Variants in ERICH6 observed in about 807,000 individuals in gnomAD.
ERICH6 encodes glutamate-rich protein 6.
Under a neutral mutation model 71.0 loss-of-function variants are expected in ERICH6, and 71 were observed. That is an observed-to-expected ratio of 1.00 (90% confidence interval 0.83 to 1.22). ERICH6 has a LOEUF of 1.22. Ranked by LOEUF, ERICH6 falls within the 50% of genes most tolerant of loss-of-function variation. ERICH6 has a pLI of 0.00. For synonymous variants in ERICH6, 262 were observed against 278.4 expected (o/e 0.94, Z 0.59); for missense variants, 808 against 797.2 (o/e 1.01, Z -0.16).
At chr3:150,671,419 C>T (rs1039421762) in intron 11 of ERICH6, among the ~76,000 whole-genome samples, 1 of 152,140 alleles carries the variant, frequency 6.6e-6, no homozygotes, top group African/African-American at 2.4e-5. Context: ...ATGACCTGGC[C>T]ATCAGGCAGA....
chr3:150,678,639 A>G (rs1017880842), intron 9 of ERICH6, 85 bp from the exon 10 acceptor site: 2 of 1,101,468 alleles, frequency 1.8e-6, no homozygotes, highest in East Asian at 2.8e-5. Context: ...TCAAACCCCA[A>G]TATAAATGCA....
intron 3 of ERICH6, among the ~76,000 whole-genome samples, chr3:150,688,208 A>C (rs1363368132): frequency 6.6e-6 from 1 of 152,176 alleles, no homozygotes; most frequent in African/African-American, 2.4e-5. Context: ...CATCTGAAAA[A>C]ATTTTAAAGA....
chr3:150,688,359 C>T (rs1239242725), intron 3 of ERICH6, among the ~76,000 whole-genome samples: 3 of 152,138 alleles, frequency 2.0e-5, no homozygotes, highest in East Asian at 1.9e-4. Flanking sequence ...AGAACAACCC[C>T]GATATGTCTA....
chr3:150,660,024 C>T lies in ERICH6; in HGVS notation c.1860G>A (p.Gln620=). The change falls in exon 14 of 14, where the codon CAG becomes CAA. Residue 620 remains glutamine (Q), a synonymous_variant. Coordinates refer to ENST00000295910, the MANE Select transcript of ERICH6 (RefSeq NM_152394.5). The part of the protein sequence containing the change: ...LEGCVNFPSS[Q]VWEKLKQPSY... ...AAGGTTGCTTTAATTTTTCCCAAACCTGGCTTGAGGGAAAATTCACACATC... is the reference window on the plus strand; with the variant it reads ...AAGGTTGCTTTAATTTTTCCCAAACTTGGCTTGAGGGAAAATTCACACATC... The T allele has an allele frequency of 6.2e-7, 1 of 1,614,052 alleles. No homozygotes were observed. The highest frequency in any genetic ancestry group is 8.5e-7 in the Non-Finnish European group (1 of 1,180,024).
At chr3:150,689,770 A>C (rs756352432) in intron 3 of ERICH6, among the ~76,000 whole-genome samples, 7 of 152,180 alleles carry the variant, frequency 4.6e-5, no homozygotes, top group Non-Finnish European at 1.0e-4. Flanking sequence ...AGGAGCCTAA[A>C]ATAGTTTATA....
At chr3:150,677,959 A>G (rs1476813085) in intron 10 of ERICH6, among the ~76,000 whole-genome samples, 5 of 152,214 alleles carry the variant, frequency 3.3e-5, no homozygotes, top group Non-Finnish European at 7.3e-5. Context: ...TCACTGCAGT[A>G]CAGTAGCCAT....
At chr3:150,695,034 C>A (rs1712601689) in intron 3 of ERICH6, among the ~76,000 whole-genome samples, 1 of 152,148 alleles carries the variant, frequency 6.6e-6, no homozygotes, top group Non-Finnish European at 1.5e-5. Flanking sequence ...GGCACTAATC[C>A]CATTCATGAC....
intron 11 of ERICH6, 67 bp downstream of exon 11, chr3:150,673,889 C>T: frequency 6.6e-7 from 1 of 1,508,544 alleles, no homozygotes. Context: ...CCATGTATTT[C>T]CTTCCTTGAG....
Position 150,703,685 on chromosome 3 carries a change from TCTC to T in ERICH6, c.211_213del (p.Glu71del), listed in dbSNP as rs1403682664. ...TTCCAGAGGTACTCTTCGCTGAACGTCTCAGGGGCCTCCAACTCCTGCTCTTCC... is the reference window on the plus strand; with the variant it reads ...TTCCAGAGGTACTCTTCGCTGAACGTAGGGGCCTCCAACTCCTGCTCTTCC... On this transcript the variant is annotated inframe_deletion, in exon 1 of 14. Coordinates refer to ENST00000295910, the MANE Select transcript of ERICH6 (RefSeq NM_152394.5). The T allele has an allele frequency of 6.2e-7, 1 of 1,611,074 alleles. No homozygotes were observed. Among genetic ancestry groups the T allele is most frequent in the Admixed American group, 1.7e-5 (1 of 59,704 alleles).
chr3:150,665,877 AG>A (rs1426946708), intron 13 of ERICH6, among the ~76,000 whole-genome samples: 1 of 151,996 alleles, frequency 6.6e-6, no homozygotes, highest in African/African-American at 2.4e-5. Flanking sequence ...TTAAAGTTTA[AG>A]GGACCTGTTC....
At position 150,666,850 on chromosome 3, in the gene ERICH6, C is replaced by A. The variant is rs143717273; in HGVS notation, c.1665G>T (p.Lys555Asn). The A allele has an allele frequency of 1.2e-6, 2 of 1,614,002 alleles. No homozygotes were observed. The highest frequency in any genetic ancestry group is 1.7e-6 in the Non-Finnish European group (2 of 1,180,030). Reference sequence around the variant, plus strand: ...CCATTGCTAGAAAAGTTATAGAAATCTTGTCTTGTTCTAAGATGCGGACTC... The same window carrying A: ...CCATTGCTAGAAAAGTTATAGAAATATTGTCTTGTTCTAAGATGCGGACTC... ...YIGVRILEQD[K>N]ISITFLAMGQ... Residue 555 changes from lysine (K) to asparagine (N), a missense_variant, in exon 13 of 14, where the codon AAG (lysine) becomes AAT (asparagine). Physicochemically the swap from Lys to Asn is moderately conservative, Grantham distance 94. Around this residue, in one of 3 missense-constraint regions of ERICH6, gnomAD observed 736 missense variants for 712.2 expected, o/e 1.03. Coordinates refer to ENST00000295910, the MANE Select transcript of ERICH6 (RefSeq NM_152394.5).
At chr3:150,661,309 C>G (rs16862791) in intron 13 of ERICH6, among the ~76,000 whole-genome samples, 12,283 of 152,284 alleles carry the variant, frequency 0.081, 544 homozygotes, top group Non-Finnish European at 0.095. Context: ...GGCCCCTCAC[C>G]TTTTCCTTTT....
chr3:150,702,920 G>GAGAGAGAGAGAGAGTGGGAGAGAGAA (rs1712963014), intron 1 of ERICH6, among the ~76,000 whole-genome samples: 1 of 118,462 alleles, frequency 8.4e-6, no homozygotes, highest in African/African-American at 3.1e-5. Context: ...GTGTGTCTGT[G>GAGAGAGAGAGAGAGTGGGAGAGAGAA]AGAGAGAGAG....
intron 13 of ERICH6, among the ~76,000 whole-genome samples, chr3:150,666,460 C>T (rs1300374548): frequency 1.3e-5 from 2 of 152,198 alleles, no homozygotes; most frequent in Non-Finnish European, 2.9e-5. Flanking sequence ...CAACCCAAGT[C>T]TCTCTACCAT....
Position 150,698,868 on chromosome 3 carries a change from T to C in ERICH6, c.476A>G (p.Asn159Ser). ...EMSIDRNIHR[N>S]LSPGIPVSVQ... Reference sequence around the variant, plus strand: ...TGATACTGGAATTCCTGGAGACAAATTGCGATGAATATTTCTGAAATTTCG... The same window carrying C: ...TGATACTGGAATTCCTGGAGACAAACTGCGATGAATATTTCTGAAATTTCG... Residue 159 changes from asparagine to serine, a missense_variant, in exon 3 of 14, where the codon AAT becomes AGT. Asn to Ser is a conservative substitution (Grantham distance 46, BLOSUM62 1). Transcript: ENST00000295910. 1.9e-6 allele frequency: 3 copies of C among 1,613,848 alleles called. No homozygotes were observed. The highest frequency in any genetic ancestry group is 2.2e-5 in the East Asian group (1 of 44,856).
chr3:150,701,989 T>C lies in ERICH6; in HGVS notation c.461+132A>G, dbSNP rs1038672006. Reference sequence around the variant, plus strand: ...CTTTCAAAGTGTCTACCAGTGTATATTTAAAAAAAACTTTTTAAAATAAGT... The same window carrying C: ...CTTTCAAAGTGTCTACCAGTGTATACTTAAAAAAAACTTTTTAAAATAAGT... On this transcript the variant is annotated intron_variant, in intron 2 of 13. Transcript: ENST00000295910. 3 of 635,788 alleles carry C rather than the reference T, an allele frequency of 4.7e-6. No individual in the cohort carries two copies. In the African/African-American group the frequency reaches 5.6e-5, roughly 12 times the overall value. 39.4% of individuals were successfully genotyped at this position (635,788 alleles called of 1,614,324 possible). A position where few individuals can be genotyped will look rare whatever the true frequency, so the allele number is the denominator to read the frequency against.
chr3:150,686,064 T>C, intron 4 of ERICH6, 43 bp from the exon 5 acceptor site: 5 of 1,476,866 alleles, frequency 3.4e-6, no homozygotes, highest in Non-Finnish European at 4.7e-6. Flanking sequence ...TTAAAGCCTT[T>C]GTGCAGTGCA....
chr3:150,695,941 G>T (rs887029778), intron 3 of ERICH6, among the ~76,000 whole-genome samples: 5 of 151,854 alleles, frequency 3.3e-5, no homozygotes, highest in Admixed American at 1.3e-4. Flanking sequence ...ATGGAATTTT[G>T]ATTCTAAAAT....
chr3:150,702,071 GT>G (rs1712893887), intron 2 of ERICH6, 49 bp downstream of exon 2: 1 of 1,200,750 alleles, frequency 8.3e-7, no homozygotes, highest in Admixed American at 2.2e-5. Flanking sequence ...TATCCAAAAG[GT>G]AAACATTATT....
Sources: allele counts gnomAD v4.1 joint callset (sites outside exome capture counted in the v4.1 genomes callset), GRCh38; gene constraint gnomAD v4.1.1; regional missense constraint gnomAD v4.1.1; transcripts MANE v1.5; gene names NCBI Gene and HGNC (gene_info 2026-07-23, HGNC 2026-07-21).